Variants in HYKK observed in about 807,000 individuals in gnomAD.
HYKK encodes the protein hydroxylysine kinase.
A neutral mutation model predicts 29.7 loss-of-function variants in HYKK; 19 were observed. The observed-to-expected ratio is 0.64, with a 90% CI of 0.45 to 0.94. HYKK has a LOEUF of 0.94. Among genes scored for constraint, HYKK ranks in the 40% least tolerant of loss-of-function variants. HYKK has a pLI of 0.00. For missense variants in HYKK, 390 were observed against 443.4 expected, an observed-to-expected ratio of 0.88 and a Z score of 1.08; for synonymous variants, 152 against 158.1, an observed-to-expected ratio of 0.96 and a Z score of 0.29.
chr15:78,519,247 G>A lies in HYKK; in HGVS notation c.477+4140G>A, dbSNP rs545475296. ...CACCATTTTATATTGCACTCTATCCGTTTATTCAACAAATATTTATTGAGC... is the reference window on the plus strand; with the variant it reads ...CACCATTTTATATTGCACTCTATCCATTTATTCAACAAATATTTATTGAGC... On this transcript the variant is annotated intron_variant, in intron 3 of 4. Coordinates refer to ENST00000388988, the MANE Select transcript of HYKK (RefSeq NM_001013619.4). 7.7e-4 allele frequency among the ~76,000 whole-genome samples: 117 copies of A among 152,120 alleles called. No homozygotes were observed. The South Asian group carries it at 0.011, about 15-fold the overall frequency.
In HYKK at chr15:78,533,346, G is replaced by A. The variant is rs146515257; in HGVS notation, c.798G>A (p.Val266=). The stretch of plus-strand genomic sequence containing the variant: ...GCTATGGCTACTATGTGTTTGAAGT[G>A]GCAATTACCATCATGTACATGATGA... ...DMSYGYYVFE[V]AITIMYMMIE... Residue 266 remains valine, a synonymous_variant, in exon 5 of 5, where the codon GTG becomes GTA. Transcript: ENST00000388988. 725 of 1,614,192 alleles carry A rather than the reference G, an allele frequency of 4.5e-4. 4 individuals are homozygous for A. The highest frequency in any genetic ancestry group is 1.5e-3 in the Middle Eastern group (9 of 6,062).
intron 3 of HYKK, among the ~76,000 whole-genome samples, chr15:78,526,771 T>G (rs1318004628): frequency 6.6e-6 from 1 of 152,310 alleles, no homozygotes. Flanking sequence ...TCAAGTGAGC[T>G]GGGAATGTGC....
rs1596036511 is a variant in HYKK at position 78,533,664 on chromosome 15, C to T, written c.1116C>T (p.Ser372=). 6.2e-7 allele frequency: 1 copy of T among 1,604,948 alleles called. No homozygotes were observed. Among genetic ancestry groups the T allele is most frequent in the Non-Finnish European group, 8.5e-7 (1 of 1,171,834 alleles). The stretch of plus-strand genomic sequence containing the variant: ...CCAAATCCTATGAATCTGGGATCTC[C>T]ATGTGACTGAGATCTCCATGTGACT... ...ETAKSYESGI[S]M is the part of the protein sequence containing the mutation. The change falls in exon 5 of 5, where the codon TCC becomes TCT. Residue 372 remains serine (S), a synonymous_variant. Coordinates refer to ENST00000388988, the MANE Select transcript of HYKK (RefSeq NM_001013619.4).
At chr15:78,531,104 C>G (rs979426338) in intron 4 of HYKK, among the ~76,000 whole-genome samples, 2 of 152,140 alleles carry the variant, frequency 1.3e-5, no homozygotes, top group Admixed American at 1.3e-4. Flanking sequence ...CTCAAGTGAT[C>G]CGCCCACCTA....
At chr15:78,530,277 T>C (rs1370842902) in intron 4 of HYKK, among the ~76,000 whole-genome samples, 3 of 151,618 alleles carry the variant, frequency 2.0e-5, no homozygotes, top group Non-Finnish European at 2.9e-5. Context: ...CTCAGCTCAC[T>C]GCAACGTCCA....
chr15:78,513,471 C>A, intron 2 of HYKK, 46 bp downstream of exon 2: 1 of 1,374,460 alleles, frequency 7.3e-7, no homozygotes, highest in Non-Finnish European at 1.0e-6. Flanking sequence ...CCAGACACAT[C>A]ACTGCATTTT....
intron 1 of HYKK, among the ~76,000 whole-genome samples, chr15:78,510,331 C>A (rs1046701561): frequency 1.3e-5 from 2 of 151,760 alleles, no homozygotes; most frequent in African/African-American, 4.8e-5. Flanking sequence ...TTATAGGCGC[C>A]GGCCACCATG....
chr15:78,510,983 T>TA, intron 1 of HYKK, among the ~76,000 whole-genome samples: 1 of 147,968 alleles, frequency 6.8e-6, no homozygotes, highest in East Asian at 2.0e-4. Context: ...TTTTTTTTTT[T>TA]TAAATAGAGA....
At chr15:78,537,214 TCCATC>T (rs2052370145), downstream of HYKK, 2 of 494,436 alleles carry the variant, frequency 4.0e-6, no homozygotes, top group Non-Finnish European at 7.5e-6. Context: ...TATCTACCTA[TCCATC>T]CTTCCATCCC....
chr15:78,533,738 T>C lies in HYKK; in HGVS notation c.*68T>C, dbSNP rs1043625056. ...ATTAAAATAGGACCCAGTCAAATTT[T>C]AGGAAGGATTTTCCTGCATAGTTAA... On this transcript the variant is annotated 3_prime_UTR_variant, in exon 5 of 5. Coordinates refer to ENST00000388988, the MANE Select transcript of HYKK (RefSeq NM_001013619.4). 9 of 1,135,118 alleles carry C rather than the reference T, an allele frequency of 7.9e-6. No homozygotes were observed. The highest frequency in any genetic ancestry group is 1.2e-5 in the Non-Finnish European group (9 of 775,666). 70.3% of individuals were successfully genotyped at this position (1,135,118 alleles called of 1,614,324 possible).
chr15:78,515,180 G>C, intron 3 of HYKK, 73 bp downstream of exon 3: 1 of 1,180,528 alleles, frequency 8.5e-7, no homozygotes, highest in Non-Finnish European at 1.2e-6. Flanking sequence ...AATAAAGTAT[G>C]GATCAGATTC....
intron 4 of HYKK, among the ~76,000 whole-genome samples, chr15:78,529,513 G>A (rs1018722796): frequency 6.6e-6 from 1 of 152,128 alleles, no homozygotes; most frequent in Admixed American, 6.5e-5. Flanking sequence ...ACTACAGCTA[G>A]CAGAGTGTAA....
chr15:78,509,224 T>A (rs1023623057), intron 1 of HYKK, among the ~76,000 whole-genome samples: 1 of 152,208 alleles, frequency 6.6e-6, no homozygotes, highest in Non-Finnish European at 1.5e-5. Flanking sequence ...TAAAGAACTT[T>A]AGTGGCATGG....
intron 1 of HYKK, among the ~76,000 whole-genome samples, chr15:78,508,775 G>T (rs1483837637): frequency 6.6e-6 from 1 of 150,844 alleles, no homozygotes. Context: ...CAGCCATGAT[G>T]GCTTGCACCT....
chr15:78,513,608 A>G (rs1034967746), intron 2 of HYKK, among the ~76,000 whole-genome samples, 183 bp downstream of exon 2: 4 of 152,216 alleles, frequency 2.6e-5, no homozygotes, highest in Non-Finnish European at 5.9e-5. Flanking sequence ...GAGAAGCTAC[A>G]GCGTCATCAA....
At chr15:78,521,998 G>A (rs918140893) in intron 3 of HYKK, among the ~76,000 whole-genome samples, 1 of 92,148 alleles carries the variant, frequency 1.1e-5, no homozygotes, top group African/African-American at 4.2e-5. Context: ...TTTTTTTTTT[G>A]TAATGAGGTG....
intron 3 of HYKK, among the ~76,000 whole-genome samples, chr15:78,521,551 A>G (rs149562617): frequency 5.3e-4 from 80 of 152,176 alleles, no homozygotes; most frequent in African/African-American, 1.8e-3. Flanking sequence ...AATAGAGAGT[A>G]CTGATTAAAT....
At chr15:78,507,982 GCC>G (rs2052031284) in intron 1 of HYKK, among the ~76,000 whole-genome samples, 3 of 152,138 alleles carry the variant, frequency 2.0e-5, no homozygotes, top group Admixed American at 2.0e-4. Flanking sequence ...CCGGCGCCTG[GCC>G]GGTGTCTACT....
intron 3 of HYKK, among the ~76,000 whole-genome samples, chr15:78,527,147 A>G (rs1425231439): frequency 1.3e-5 from 2 of 151,770 alleles, no homozygotes; most frequent in Non-Finnish European, 2.9e-5. Flanking sequence ...TTAACCAAGC[A>G]TGGTGACATA....
Sources: allele counts gnomAD v4.1 joint callset (sites outside exome capture counted in the v4.1 genomes callset), GRCh38; gene constraint gnomAD v4.1.1; transcripts MANE v1.5; gene names NCBI Gene and HGNC (gene_info 2026-07-23, HGNC 2026-07-21).